CHSY3: variants seen among roughly 807,000 people sequenced by gnomAD.
CHSY3 encodes N-acetylgalactosaminyl-proteoglycan 3-beta-glucuronosyltransferase 3.
Under a neutral mutation model 67.2 loss-of-function variants are expected in CHSY3, and 35 were observed. That is an observed-to-expected ratio of 0.52 (90% CI 0.40 to 0.69). The LOEUF is 0.69. Among genes scored for constraint, CHSY3 ranks in the 30% least tolerant of loss-of-function variants. The pLI is 0.00. For missense variants in CHSY3, 1,069 were observed against 1,138.5 expected (o/e 0.94, Z 0.88); for synonymous variants, 474 against 434.7 (o/e 1.09, Z -1.12).
At chr5:129,998,484 C>T (rs1763616021) in intron 2 of CHSY3, among the ~76,000 whole-genome samples, 1 of 152,104 alleles carries the variant, frequency 6.6e-6, no homozygotes, top group South Asian at 2.1e-4. Context: ...ATTTATATAT[C>T]TATAGGACAA....
intron 2 of CHSY3, among the ~76,000 whole-genome samples, chr5:130,032,328 A>T (rs1028208749): frequency 1.3e-5 from 2 of 152,138 alleles, no homozygotes; most frequent in African/African-American, 4.8e-5. Flanking sequence ...CACTTAGATT[A>T]TATGTATTAT....
At chr5:130,025,504 A>C (rs775399988) in intron 2 of CHSY3, among the ~76,000 whole-genome samples, 4 of 152,132 alleles carry the variant, frequency 2.6e-5, no homozygotes, top group Non-Finnish European at 5.9e-5. Flanking sequence ...GGAATCAAAG[A>C]GAAACAGTGA....
At chr5:129,919,039 G>A (rs1338194944) in intron 2 of CHSY3, among the ~76,000 whole-genome samples, 2 of 141,090 alleles carry the variant, frequency 1.4e-5, no homozygotes, top group South Asian at 2.3e-4. Context: ...CCCGGGAGGC[G>A]GAGCTTGCCG....
At chr5:130,145,561 G>A (rs769664643) in intron 2 of CHSY3, among the ~76,000 whole-genome samples, 9 of 152,080 alleles carry the variant, frequency 5.9e-5, no homozygotes, top group Non-Finnish European at 1.0e-4. Context: ...TTTAAACCAA[G>A]ACCTCAAATG....
At chr5:129,919,814 T>G (rs1310348927) in intron 2 of CHSY3, among the ~76,000 whole-genome samples, 2 of 152,210 alleles carry the variant, frequency 1.3e-5, no homozygotes, top group Non-Finnish European at 2.9e-5. Flanking sequence ...TTTTTATTCT[T>G]ATTATATATT....
intron 2 of CHSY3, among the ~76,000 whole-genome samples, chr5:130,019,453 G>A (rs1202017422): frequency 1.3e-5 from 2 of 152,016 alleles, no homozygotes; most frequent in Non-Finnish European, 2.9e-5. Context: ...TTATTTATGT[G>A]GTTGATCTTA....
intron 2 of CHSY3, among the ~76,000 whole-genome samples, chr5:130,181,391 TA>T (rs1194418429): frequency 6.6e-6 from 1 of 152,198 alleles, no homozygotes; most frequent in Non-Finnish European, 1.5e-5. Flanking sequence ...GTTTTAATTT[TA>T]TTCTCATCAT....
In CHSY3 at chr5:130,027,968, A is replaced by G. The variant is rs531387206; in HGVS notation, c.1086+119608A>G. 3.4e-3 allele frequency among the ~76,000 whole-genome samples: 517 copies of G among 152,222 alleles called. 2 individuals are homozygous for G. Among genetic ancestry groups the G allele is most frequent in the Admixed American group, 5.2e-3 (79 of 15,264 alleles). The stretch of plus-strand genomic sequence containing the variant: ...TGCTTTTATAGCAACATGATTTAGA[A>G]TCCTTTGGGTATATACCCAGTAATG... On this transcript the variant is annotated intron_variant, in intron 2 of 2. Transcript: ENST00000305031.
chr5:129,971,849 G>A (rs1762648167), intron 2 of CHSY3, among the ~76,000 whole-genome samples: 1 of 151,998 alleles, frequency 6.6e-6, no homozygotes, highest in Non-Finnish European at 1.5e-5. Flanking sequence ...AATTAGACAT[G>A]AGACTTGTCT....
intron 2 of CHSY3, among the ~76,000 whole-genome samples, chr5:130,144,087 T>C (rs1027374618): frequency 2.6e-5 from 4 of 151,346 alleles, no homozygotes; most frequent in African/African-American, 9.7e-5. Flanking sequence ...ATTTCTATGC[T>C]TAAAGGGTTT....
intron 2 of CHSY3, among the ~76,000 whole-genome samples, chr5:129,912,358 G>A (rs909313260): frequency 7.2e-5 from 11 of 152,114 alleles, no homozygotes; most frequent in African/African-American, 2.7e-4. Context: ...AAGGAAGTGA[G>A]TAGTATCTCA....
chr5:130,047,318 C>T (rs1765182332), intron 2 of CHSY3, among the ~76,000 whole-genome samples: 1 of 151,952 alleles, frequency 6.6e-6, no homozygotes, highest in Non-Finnish European at 1.5e-5. Context: ...CTCATTCATC[C>T]AACAAACCTT....
chr5:130,034,127 A>T (rs1339338619), intron 2 of CHSY3, among the ~76,000 whole-genome samples: 1 of 152,138 alleles, frequency 6.6e-6, no homozygotes, highest in Non-Finnish European at 1.5e-5. Flanking sequence ...TTTGGTGTTT[A>T]TCATATGAAA....
At chr5:130,111,412 T>C (rs553757710) in intron 2 of CHSY3, among the ~76,000 whole-genome samples, 1 of 152,176 alleles carries the variant, frequency 6.6e-6, no homozygotes, top group East Asian at 1.9e-4. Flanking sequence ...AGTCCTCAGA[T>C]TCATTAAAAT....
chr5:129,978,262 G>A (rs1762871034), intron 2 of CHSY3, among the ~76,000 whole-genome samples: 1 of 151,962 alleles, frequency 6.6e-6, no homozygotes, highest in African/African-American at 2.4e-5. Flanking sequence ...TAATATTTAT[G>A]GTATGTCTTT....
Position 129,963,793 on chromosome 5 carries a change from GT to G in CHSY3, c.1086+55443del, listed in dbSNP as rs368591570. On this transcript the variant is annotated intron_variant, in intron 2 of 2. Transcript: ENST00000305031. ...TAATCTTGGGTCCTATATAATGTCA[GT>G]TTTTTTTTTCCTTTAAGAGTTTGAA... Among the ~76,000 whole-genome samples, 168 of 148,122 alleles carry G rather than the reference GT, an allele frequency of 1.1e-3. 1 individual carries two copies. Among genetic ancestry groups the G allele is most frequent in the East Asian group, 4.2e-3 (21 of 5,034 alleles).
intron 2 of CHSY3, among the ~76,000 whole-genome samples, chr5:130,087,928 GAAC>G (rs1766713018): frequency 6.6e-6 from 1 of 151,988 alleles, no homozygotes; most frequent in South Asian, 2.1e-4. Flanking sequence ...TAAGCCAAAA[GAAC>G]AAAGCTGGAG....
At chr5:130,148,352 G>A (rs1368719467) in intron 2 of CHSY3, among the ~76,000 whole-genome samples, 1 of 152,130 alleles carries the variant, frequency 6.6e-6, no homozygotes, top group Non-Finnish European at 1.5e-5. Context: ...TAGTGCCGCA[G>A]TGAACACATG....
intron 2 of CHSY3, among the ~76,000 whole-genome samples, chr5:130,157,771 A>T (rs1352345300): frequency 3.2e-5 from 1 of 31,250 alleles, no homozygotes; most frequent in East Asian, 1.3e-3. Context: ...GAGCAGTGGC[A>T]TGCGCCACTG....
Sources: gnomAD v4.1 joint callset for allele counts (sites outside exome capture counted in the v4.1 genomes callset) on GRCh38, gnomAD v4.1.1 for gene constraint, MANE v1.5 for transcripts, NCBI Gene and HGNC (gene_info 2026-07-23, HGNC 2026-07-21) for gene names.